The following MARK1 variants were observed in gnomAD, a reference collection of about 807,000 sequenced individuals.
The protein encoded by MARK1 is microtubule affinity regulating kinase 1, also known as serine/threonine-protein kinase MARK1.
In MARK1, 40 loss-of-function variants were observed where a neutral mutation model predicts 96.3. The observed-to-expected ratio is 0.42, with a 90% CI of 0.32 to 0.54. The LOEUF is 0.54. Among genes scored for constraint, MARK1 ranks in the 20% least tolerant of loss-of-function variants. The probability of loss-of-function intolerance (pLI) is 0.16; values close to 1 mark genes in which losing one functional copy is unlikely to be tolerated. For synonymous variants in MARK1, 317 were observed against 341.2 expected (o/e 0.93, Z 0.78); for missense variants, 719 against 984.6 (o/e 0.73, Z 3.61).
chr1:220,628,035 A>C (rs1667448812), intron 9 of MARK1: 1 of 151,972 alleles, frequency 6.6e-6, no homozygotes, highest in Admixed American at 6.5e-5. Flanking sequence ...AAAATGGTAC[A>C]TTTCTATACA....
intron 3 of MARK1, among the ~76,000 whole-genome samples, chr1:220,590,822 T>C (rs532530819): frequency 1.3e-5 from 2 of 152,194 alleles, no homozygotes; most frequent in Non-Finnish European, 2.9e-5. Context: ...TTATCGCTTA[T>C]GTTTTTTTCT....
intron 1 of MARK1, among the ~76,000 whole-genome samples, chr1:220,533,380 T>TA (rs891550472): frequency 1.3e-5 from 2 of 151,762 alleles, no homozygotes; most frequent in African/African-American, 4.8e-5. Context: ...CTTTTTTTTT[T>TA]ATAAAAATCC....
chr1:220,616,755 A>G (rs1020613788), intron 7 of MARK1, among the ~76,000 whole-genome samples: 1 of 152,122 alleles, frequency 6.6e-6, no homozygotes, highest in African/African-American at 2.4e-5. Flanking sequence ...TGTTGCTCCA[A>G]ATTTTTCTAT....
rs777672078 is a variant in MARK1 at position 220,652,082 on chromosome 1, C to T, written c.1668C>T (p.Ser556=). The T allele has an allele frequency of 3.7e-6, 6 of 1,613,336 alleles. No homozygotes were observed. The East Asian group carries it at 1.1e-4, about 30-fold the overall frequency. ...GACCCCGCCACCAGAAGTCCATGTC[C>T]ACTTCTGGTCATCCTATTAAAGTCA... ...SARPRHQKSM[S]TSGHPIKVTL... The change falls in exon 15 of 18, where the codon TCC becomes TCT. Residue 556 remains serine, a synonymous_variant. Coordinates refer to ENST00000366917, the MANE Select transcript of MARK1 (RefSeq NM_018650.5).
At chr1:220,557,932 C>A (rs1360210774) in intron 1 of MARK1, among the ~76,000 whole-genome samples, 1 of 151,974 alleles carries the variant, frequency 6.6e-6, no homozygotes, top group African/African-American at 2.4e-5. Context: ...GAGTTCAAGA[C>A]CTGCCTGGGC....
rs139463177 is a variant in MARK1 at position 220,591,696 on chromosome 1, A to C, written c.310-6635A>C. Among the ~76,000 whole-genome samples, 245 of 152,326 alleles carry C rather than the reference A, an allele frequency of 1.6e-3. 1 individual carries two copies. The highest frequency in any genetic ancestry group is 5.5e-3 in the African/African-American group (227 of 41,570). On this transcript the variant is annotated intron_variant, in intron 3 of 17. Transcript: ENST00000366917. ...ATTTAACACTTCTATTGTACACACA[A>C]ATGTATATGCATTGATGAATCTTTT...
intron 16 of MARK1, among the ~76,000 whole-genome samples, chr1:220,655,114 G>C (rs541968473): frequency 3.9e-5 from 6 of 152,296 alleles, no homozygotes; most frequent in African/African-American, 1.4e-4. Context: ...GCTTGGCTCT[G>C]GTTTTCTCCT....
At chr1:220,570,146 TAGAA>T (rs1663342048) in intron 1 of MARK1, among the ~76,000 whole-genome samples, 1 of 152,024 alleles carries the variant, frequency 6.6e-6, no homozygotes, top group South Asian at 2.1e-4. Context: ...GAAATAATAA[TAGAA>T]AGACCAAATA....
At chr1:220,561,388 A>G (rs1572083027) in intron 1 of MARK1, among the ~76,000 whole-genome samples, 1 of 151,974 alleles carries the variant, frequency 6.6e-6, no homozygotes, top group Admixed American at 6.6e-5. Flanking sequence ...TTTTAAGTTC[A>G]TCAGCTGTCA....
chr1:220,595,312 C>A (rs906698773), intron 3 of MARK1, among the ~76,000 whole-genome samples: 4 of 152,192 alleles, frequency 2.6e-5, no homozygotes, highest in African/African-American at 9.7e-5. Flanking sequence ...GCAGCTGTCC[C>A]TCTGTGGGTC....
intron 13 of MARK1, among the ~76,000 whole-genome samples, chr1:220,646,361 G>A (rs1445629681): frequency 1.3e-5 from 2 of 151,996 alleles, no homozygotes; most frequent in African/African-American, 4.8e-5. Context: ...ACGGAAGTGA[G>A]GGACCTCTTC....
Position 220,528,849 on chromosome 1 carries a change from G to T in MARK1, c.27G>T (p.Thr9=). 6.4e-7 allele frequency: 1 copy of T among 1,571,050 alleles called. No individual in the cohort carries two copies. Among genetic ancestry groups the T allele is most frequent in the Non-Finnish European group, 8.6e-7 (1 of 1,157,728 alleles). MSARTPLP[T]VNERDTENHT... The stretch of plus-strand genomic sequence containing the variant: ...TGTCGGCCCGGACGCCATTGCCGAC[G>T]GTGAACGAGCGGGACACGGAAAATG... The change falls in exon 1 of 18, where the codon ACG becomes ACT. Residue 9 remains threonine (T), a synonymous_variant. Transcript: ENST00000366917.
chr1:220,554,544 C>T (rs1290721503), intron 1 of MARK1, among the ~76,000 whole-genome samples: 2 of 152,142 alleles, frequency 1.3e-5, no homozygotes, highest in African/African-American at 4.8e-5. Flanking sequence ...AGACCCTGAA[C>T]TAAATTATGA....
At chr1:220,576,163 T>C (rs532588485) in intron 1 of MARK1, among the ~76,000 whole-genome samples, 13 of 151,580 alleles carry the variant, frequency 8.6e-5, no homozygotes, top group Non-Finnish European at 1.9e-4. Context: ...CATTGCCGTG[T>C]AACAAATCAT....
At chr1:220,632,967 T>C (rs1427574457) in intron 11 of MARK1, among the ~76,000 whole-genome samples, 1 of 152,148 alleles carries the variant, frequency 6.6e-6, no homozygotes, top group Non-Finnish European at 1.5e-5. Context: ...AAGCATAGTG[T>C]TGGCATCTGC....
chr1:220,638,792 A>G (rs1289205306), intron 13 of MARK1, among the ~76,000 whole-genome samples: 2 of 152,190 alleles, frequency 1.3e-5, no homozygotes, highest in African/African-American at 4.8e-5. Flanking sequence ...AGTTTGAGAA[A>G]CCAAAGTAAT....
intron 1 of MARK1, among the ~76,000 whole-genome samples, chr1:220,561,921 A>G (rs1662693025): frequency 6.6e-6 from 1 of 152,134 alleles, no homozygotes; most frequent in African/African-American, 2.4e-5. Context: ...TTTGTTTGTC[A>G]AGTATGTGGG....
In MARK1 at chr1:220,536,425, C is replaced by T. The variant is rs6696558; in HGVS notation, c.51+7552C>T. 8.6e-3 allele frequency among the ~76,000 whole-genome samples: 1,288 copies of T among 150,140 alleles called. 16 individuals are homozygous for T. The highest frequency in any genetic ancestry group is 0.029 in the African/African-American group (1,177 of 40,944). ...GCTTTTTTTTTTTTCCCACACAATA[C>T]ATTTTATTTTATAAACTACTGTGTA... On this transcript the variant is annotated intron_variant, in intron 1 of 17. Transcript: ENST00000366917.
chr1:220,650,735 G>A lies in MARK1; in HGVS notation c.1571+15G>A. ...AAAGACAGCAGGTAAATGCCACAGT[G>A]CCAAGTAGTAATACCTTTGCTGTTG... is the stretch of plus-strand genomic sequence containing the variant. On this transcript the variant is annotated intron_variant, in intron 14 of 17. Transcript: ENST00000366917. 6.4e-7 allele frequency: 1 copy of A among 1,569,540 alleles called. No individual in the cohort carries two copies. The highest frequency in any genetic ancestry group is 8.8e-7 in the Non-Finnish European group (1 of 1,140,112).
Sources: gnomAD v4.1 joint callset for allele counts (sites outside exome capture counted in the v4.1 genomes callset) on GRCh38, gnomAD v4.1.1 for gene constraint, MANE v1.5 for transcripts, NCBI Gene and HGNC (gene_info 2026-07-23, HGNC 2026-07-21) for gene names.